SMARCA2: variants seen among roughly 807,000 people sequenced by gnomAD.
SMARCA2 encodes SWI/SNF-related matrix-associated actin-dependent regulator of chromatin subfamily A member 2.
Under a neutral mutation model 199.8 loss-of-function variants are expected in SMARCA2, and 61 were observed. The observed-to-expected ratio is 0.31, with a 90% CI of 0.25 to 0.38. The LOEUF (loss-of-function observed/expected upper bound fraction) is 0.38, where lower values mean the gene tolerates loss of function less well. Ranked by LOEUF, SMARCA2 falls within the 10% of genes least tolerant of loss-of-function variation. The pLI, the probability that SMARCA2 is intolerant of heterozygous loss-of-function variation, is 1.00. For synonymous variants in SMARCA2, 935 were observed against 732.0 expected (o/e 1.28, Z -4.48); for missense variants, 1,344 against 2,012.2 (o/e 0.67, Z 6.35).
At chr9:2,167,677 T>C (rs899016094) in intron 28 of SMARCA2, among the ~76,000 whole-genome samples, 1 of 152,266 alleles carries the variant, frequency 6.6e-6, no homozygotes, top group Non-Finnish European at 1.5e-5. Flanking sequence ...GTGGTATCTC[T>C]GGGAATTGTG....
intron 9 of SMARCA2, among the ~76,000 whole-genome samples, chr9:2,068,575 C>G (rs1322679190): frequency 6.6e-6 from 1 of 152,086 alleles, no homozygotes; most frequent in African/African-American, 2.4e-5. Flanking sequence ...TCATAGAAGG[C>G]AAAACGTATT....
chr9:2,077,209 C>A (rs1821366710), intron 13 of SMARCA2, among the ~76,000 whole-genome samples: 1 of 152,156 alleles, frequency 6.6e-6, no homozygotes, highest in Non-Finnish European at 1.5e-5. Context: ...GCCCTCCCAG[C>A]TTTAGCCAGT....
At chr9:2,077,858 C>A in intron 14 of SMARCA2, 82 bp downstream of exon 14, 1 of 1,301,096 alleles carries the variant, frequency 7.7e-7, no homozygotes, top group East Asian at 2.5e-5. Flanking sequence ...CACATGTTGA[C>A]TAAGGGCTTT....
chr9:2,117,828 G>A (rs889087884), intron 25 of SMARCA2, among the ~76,000 whole-genome samples: 9 of 152,206 alleles, frequency 5.9e-5, no homozygotes, highest in African/African-American at 2.2e-4. Context: ...GGCTGCCAGT[G>A]TGTCAGAAAA....
intron 27 of SMARCA2, among the ~76,000 whole-genome samples, chr9:2,124,559 T>G (rs1420952782): frequency 2.1e-4 from 32 of 152,120 alleles, no homozygotes; most frequent in Admixed American, 2.0e-3. Context: ...CGGTGGGTGC[T>G]TATGTGTCTA....
chr9:2,032,364 A>T (rs1235193178), intron 2 of SMARCA2, among the ~76,000 whole-genome samples: 1 of 152,124 alleles, frequency 6.6e-6, no homozygotes, highest in African/African-American at 2.4e-5. Context: ...CTGTGCCTTT[A>T]ACCTTTTCCG....
chr9:2,156,414 CTTTTTTTTTTTTTTTTTTT>C (rs57161267), intron 27 of SMARCA2, among the ~76,000 whole-genome samples: 2 of 69,148 alleles, frequency 2.9e-5, no homozygotes, highest in African/African-American at 1.4e-4. Flanking sequence ...CCATTTTAGA[CTTTTTTTTTTTTTTTTTTT>C]TTTTTTTTTT....
At chr9:2,128,680 T>C (rs1474387249) in intron 27 of SMARCA2, among the ~76,000 whole-genome samples, 3 of 152,222 alleles carry the variant, frequency 2.0e-5, no homozygotes, top group Non-Finnish European at 4.4e-5. Context: ...TGGGATCACA[T>C]AGTGAGGGAT....
At chr9:2,069,505 G>A (rs1195555623) in intron 9 of SMARCA2, among the ~76,000 whole-genome samples, 1 of 151,044 alleles carries the variant, frequency 6.6e-6, no homozygotes, top group Non-Finnish European at 1.5e-5. Context: ...CTTGCAGTGA[G>A]CCGAGATCGG....
Position 2,111,723 on chromosome 9 carries a change from A to G in SMARCA2, c.3456+1306A>G, listed in dbSNP as rs370448507. On this transcript the variant is annotated intron_variant, in intron 24 of 33. Coordinates refer to ENST00000349721, the MANE Select transcript of SMARCA2 (RefSeq NM_003070.5). ...CTAAGGGAGCTTTTAAAAAATATGCATGCCTGCTTTCTGTTCCCTGCCACC... is the reference window on the plus strand; with the variant it reads ...CTAAGGGAGCTTTTAAAAAATATGCGTGCCTGCTTTCTGTTCCCTGCCACC... Among the ~76,000 whole-genome samples, 5 of 152,208 alleles carry G rather than the reference A, an allele frequency of 3.3e-5. No individual in the cohort carries two copies. In the East Asian group the frequency reaches 7.8e-4, roughly 24 times the overall value.
intron 29 of SMARCA2, among the ~76,000 whole-genome samples, chr9:2,178,221 C>G (rs769281533): frequency 9.2e-5 from 14 of 152,156 alleles, no homozygotes; most frequent in Admixed American, 3.9e-4. Flanking sequence ...CCACCAACAC[C>G]TGTGAACCGT....
intron 27 of SMARCA2, among the ~76,000 whole-genome samples, chr9:2,149,063 T>G (rs10811533): frequency 1.3e-5 from 2 of 150,844 alleles, no homozygotes; most frequent in East Asian, 3.9e-4. Flanking sequence ...TGTATTAGTC[T>G]GTTTTCACAC....
At chr9:2,034,042 C>T (rs1468506737) in intron 3 of SMARCA2, among the ~76,000 whole-genome samples, 9 of 151,884 alleles carry the variant, frequency 5.9e-5, no homozygotes, top group African/African-American at 1.7e-4. Flanking sequence ...ATCAAGAGAT[C>T]GAGACCATCC....
chr9:2,078,612 G>C (rs1275486349), intron 14 of SMARCA2, among the ~76,000 whole-genome samples: 1 of 152,050 alleles, frequency 6.6e-6, no homozygotes, highest in Non-Finnish European at 1.5e-5. Flanking sequence ...CCCAAATTGT[G>C]TTCCATGAGA....
intron 27 of SMARCA2, among the ~76,000 whole-genome samples, chr9:2,157,008 T>G (rs1189971832): frequency 6.6e-6 from 1 of 152,164 alleles, no homozygotes; most frequent in African/African-American, 2.4e-5. Flanking sequence ...AGGTTGCTTG[T>G]GGAGACAGTA....
In SMARCA2 at chr9:2,058,508, G is replaced by A. The variant is rs56827408; in HGVS notation, c.1521+44G>A. ...GAGCCCAGGAAACTACTCAACCCAC[G>A]TCCGTCTGCAATGAGACCATTAAAT... On this transcript the variant is annotated intron_variant, in intron 8 of 33. Transcript: ENST00000349721. 5,972 of 1,538,294 alleles carry A rather than the reference G, an allele frequency of 3.9e-3. 221 individuals are homozygous for A. The African/African-American group carries it at 0.072, about 18-fold the overall frequency.
At chr9:2,065,551 G>C (rs1820803204) in intron 9 of SMARCA2, among the ~76,000 whole-genome samples, 1 of 152,168 alleles carries the variant, frequency 6.6e-6, no homozygotes, top group African/African-American at 2.4e-5. Context: ...GGCCAACATA[G>C]TGGTAGGAAA....
Position 2,192,842 on chromosome 9 carries a change from A to G in SMARCA2, c.*103A>G. ...CATATAGGCACTGGGTTGTTTCTAT[A>G]TCATCATCGTCTATAAACTAGCTTT... On this transcript the variant is annotated 3_prime_UTR_variant, in exon 34 of 34. Coordinates refer to ENST00000349721, the MANE Select transcript of SMARCA2 (RefSeq NM_003070.5). The G allele has an allele frequency of 1.2e-6, 1 of 818,790 alleles. No individual in the cohort carries two copies. The highest frequency in any genetic ancestry group is 1.4e-5 in the South Asian group (1 of 69,070). 50.7% of individuals were successfully genotyped at this position (818,790 alleles called of 1,614,324 possible).
Position 2,096,662 on chromosome 9 carries a change from A to G in SMARCA2, c.2889A>G (p.Glu963=). 1.2e-6 allele frequency: 2 copies of G among 1,610,092 alleles called. No individual in the cohort carries two copies. Among genetic ancestry groups the G allele is most frequent in the East Asian group, 2.2e-5 (1 of 44,854 alleles). Residue 963 remains glutamate, a synonymous_variant, in exon 20 of 34, where the codon GAA becomes GAG. Coordinates refer to ENST00000349721, the MANE Select transcript of SMARCA2 (RefSeq NM_003070.5). ...TACTGTTCTCTTTTCTGCAGGTGGAATATGTGATCAAGTGTGACATGTCAG... is the reference window on the plus strand; with the variant it reads ...TACTGTTCTCTTTTCTGCAGGTGGAGTATGTGATCAAGTGTGACATGTCAG... ...EVESQLPEKV[E]YVIKCDMSAL...
Sources: allele counts gnomAD v4.1 joint callset (sites outside exome capture counted in the v4.1 genomes callset), GRCh38; gene constraint gnomAD v4.1.1; transcripts MANE v1.5; gene names NCBI Gene and HGNC (gene_info 2026-07-23, HGNC 2026-07-21).